Variants in PRDM1 observed in about 807,000 individuals in gnomAD.
PRDM1 encodes PR/SET domain 1, also known as PR domain zinc finger protein 1.
In PRDM1, 13 loss-of-function variants were observed where a neutral mutation model predicts 62.8. The observed-to-expected ratio is 0.21, with a 90% CI of 0.13 to 0.33. PRDM1 has a LOEUF of 0.33. Ranked by LOEUF, PRDM1 falls within the 10% of genes least tolerant of loss-of-function variation. PRDM1 has a pLI of 1.00. For missense variants in PRDM1, 895 were observed against 1,058.8 expected, an observed-to-expected ratio of 0.85 and a Z score of 2.15; for synonymous variants, 396 against 417.6, an observed-to-expected ratio of 0.95 and a Z score of 0.63.
At chr6:106,011,064 A>G (rs907421247) in intron 1 of PRDM1, among the ~76,000 whole-genome samples, 6 of 152,174 alleles carry the variant, frequency 3.9e-5, no homozygotes, top group African/African-American at 1.4e-4. Flanking sequence ...GTTAATCCCC[A>G]TAGGGTGTAC....
chr6:106,019,951 C>T (rs992385442), intron 1 of PRDM1, among the ~76,000 whole-genome samples: 4 of 147,148 alleles, frequency 2.7e-5, no homozygotes, highest in East Asian at 2.3e-4. Context: ...AAGGAAGAGC[C>T]GGGTGTGGTG....
At chr6:106,060,449 G>A (rs1773329214) in intron 1 of PRDM1, among the ~76,000 whole-genome samples, 1 of 152,186 alleles carries the variant, frequency 6.6e-6, no homozygotes, top group Non-Finnish European at 1.5e-5. Flanking sequence ...ATTGGGGAGA[G>A]ACTGAGATGA....
chr6:106,021,000 G>A (rs748058344), intron 1 of PRDM1, among the ~76,000 whole-genome samples: 2 of 152,142 alleles, frequency 1.3e-5, no homozygotes, highest in Non-Finnish European at 2.9e-5. Context: ...TCTTGGTATG[G>A]ATTTGGGCTC....
At chr6:106,046,147 G>A (rs1773071589), upstream of PRDM1, 1 of 152,180 alleles carries the variant, frequency 6.6e-6, no homozygotes, top group African/African-American at 2.4e-5. Context: ...AGAACCCTTG[G>A]TAGGATGCTA....
intron 4 of PRDM1, among the ~76,000 whole-genome samples, chr6:106,101,359 T>G (rs1214137712): frequency 6.6e-6 from 1 of 152,192 alleles, no homozygotes; most frequent in Non-Finnish European, 1.5e-5. Context: ...GCCTGGCGTT[T>G]TTATTCCTCA....
At chr6:106,008,504 C>G (rs546595689) in intron 1 of PRDM1, among the ~76,000 whole-genome samples, 2 of 151,836 alleles carry the variant, frequency 1.3e-5, no homozygotes, top group South Asian at 2.1e-4. Context: ...CTTTCACACT[C>G]TTTTGCCACA....
Position 106,107,297 on chromosome 6 carries a change from C to A in PRDM1, c.2289C>A (p.Val763=). 6.2e-7 allele frequency: 1 copy of A among 1,614,026 alleles called. No homozygotes were observed. The highest frequency in any genetic ancestry group is 1.1e-5 in the South Asian group (1 of 91,064). Residue 763 remains valine, a synonymous_variant, in exon 7 of 7, where the codon GTC becomes GTA. Coordinates refer to ENST00000369096, the MANE Select transcript of PRDM1 (RefSeq NM_001198.4). ...SVVEKEILAV[V]RKEKEETGLK... ...TGGAGAAGGAAATTCTGGCCGTGGTCAGAAAAGAGAAAGAAGAAACTGGCC... is the reference window on the plus strand; with the variant it reads ...TGGAGAAGGAAATTCTGGCCGTGGTAAGAAAAGAGAAAGAAGAAACTGGCC...
chr6:106,097,226 A>G (rs1271863328), intron 3 of PRDM1, among the ~76,000 whole-genome samples: 5 of 152,248 alleles, frequency 3.3e-5, no homozygotes, highest in Non-Finnish European at 1.5e-5. Flanking sequence ...GAAGTGAGCC[A>G]CAAAGGTGCA....
At chr6:106,024,975 G>C (rs571096923) in intron 1 of PRDM1, among the ~76,000 whole-genome samples, 6 of 152,224 alleles carry the variant, frequency 3.9e-5, no homozygotes, top group South Asian at 2.1e-4. Flanking sequence ...ATATTCACAA[G>C]TCGTGTGTCT....
At chr6:106,085,690 T>C (rs1326814669), upstream of PRDM1, among the ~76,000 whole-genome samples, 3 of 152,182 alleles carry the variant, frequency 2.0e-5, no homozygotes, top group Non-Finnish European at 4.4e-5. Flanking sequence ...CTTACACTCC[T>C]GGGAAGTCAG....
Position 106,106,835 on chromosome 6 carries a change from C to A in PRDM1, c.1903-76C>A. On this transcript the variant is annotated intron_variant, in intron 6 of 6. Transcript: ENST00000369096. This position sits in a 1 kb window ranked among gnomAD's most constrained non-coding sequence, Gnocchi z 4.4. ...TGCTGGGCGTTGGCCGGTAAGCCTG[C>A]CCCTCCCGTTGGCAACTCTTAATCT... 1 of 1,456,324 alleles carries A rather than the reference C, an allele frequency of 6.9e-7. No homozygotes were observed. 90.2% of individuals were successfully genotyped at this position (1,456,324 alleles called of 1,614,324 possible). A position where few individuals can be genotyped will look rare whatever the true frequency, so the allele number is the denominator to read the frequency against.
At chr6:106,075,570 G>C (rs77679755) in intron 1 of PRDM1, among the ~76,000 whole-genome samples, 4,026 of 152,262 alleles carry the variant, frequency 0.026, 172 homozygotes, top group African/African-American at 0.091. Context: ...GGGCTATTGT[G>C]TTTGTTTTCC....
rs762347557 is a variant in PRDM1 at position 106,107,389 on chromosome 6, C to A, written c.2381C>A (p.Ser794Ter). ...TCCTCAGGGTGCAGCCTTTATGAGT[C>A]ATCAGATCTACCCCTCATGAAGTTG... ...LLSSGCSLYESSDLPLMKLPP... is the reference protein window; with the variant it reads ...LLSSGCSLYE The change falls in exon 7 of 7, where the codon TCA (serine) becomes TAA (stop). Residue 794 changes from serine (S) to a stop codon, truncating the protein, a stop_gained. Transcript: ENST00000369096. LOFTEE classifies it high-confidence loss of function. 2 of 1,613,864 alleles carry A rather than the reference C, an allele frequency of 1.2e-6. No individual in the cohort carries two copies. Among genetic ancestry groups the A allele is most frequent in the Non-Finnish European group, 1.7e-6 (2 of 1,179,954 alleles).
chr6:106,062,331 A>G (rs1026178214), intron 1 of PRDM1, among the ~76,000 whole-genome samples: 1 of 152,208 alleles, frequency 6.6e-6, no homozygotes, highest in African/African-American at 2.4e-5. Context: ...GTGAAATTTT[A>G]ATTTTTCTTC....
At chr6:106,005,138 A>G (rs549489584) in intron 1 of PRDM1, among the ~76,000 whole-genome samples, 2 of 152,336 alleles carry the variant, frequency 1.3e-5, no homozygotes, top group Admixed American at 6.5e-5. Flanking sequence ...CCTCTTATCA[A>G]AACTTAATTT....
chr6:106,034,085 A>C (rs771292589), intron 1 of PRDM1, among the ~76,000 whole-genome samples: 1 of 152,066 alleles, frequency 6.6e-6, no homozygotes, highest in Non-Finnish European at 1.5e-5. Flanking sequence ...GTTTCTGTAG[A>C]ATCAGTAGTA....
intron 1 of PRDM1, among the ~76,000 whole-genome samples, chr6:106,008,616 T>G (rs1457818483): frequency 1.3e-5 from 2 of 152,162 alleles, no homozygotes; most frequent in African/African-American, 4.8e-5. Context: ...AGGATTCTCC[T>G]TCTCTCCCAG....
At chr6:106,008,232 G>A (rs1772505016) in intron 1 of PRDM1, among the ~76,000 whole-genome samples, 1 of 152,138 alleles carries the variant, frequency 6.6e-6, no homozygotes, top group Admixed American at 6.5e-5. Flanking sequence ...TATTAGCTGG[G>A]CGTGGTGGCG....
At chr6:106,088,905 T>C (rs976114330) in intron 2 of PRDM1, among the ~76,000 whole-genome samples, 1 of 152,356 alleles carries the variant, frequency 6.6e-6, no homozygotes, top group Non-Finnish European at 1.5e-5. Flanking sequence ...ATTAGCTGGG[T>C]TTCTAAAACT....
Sources: gnomAD v4.1 joint callset for allele counts (sites outside exome capture counted in the v4.1 genomes callset) on GRCh38, gnomAD v4.1.1 for gene constraint, Gnocchi (gnomAD v3.1) non-coding constraint, MANE v1.5 for transcripts, NCBI Gene and HGNC (gene_info 2026-07-23, HGNC 2026-07-21) for gene names.